MOK: variants seen among roughly 807,000 people sequenced by gnomAD.
MOK encodes MOK protein kinase.
Under a neutral mutation model 54.2 loss-of-function variants are expected in MOK, and 59 were observed. That is an observed-to-expected ratio of 1.09 (90% CI 0.88 to 1.35). The LOEUF is 1.35. Among genes scored for constraint, MOK ranks in the 40% most tolerant of loss-of-function variants. MOK has a pLI of 0.00. For synonymous variants in MOK, 210 were observed against 202.7 expected (o/e 1.04, Z -0.31); for missense variants, 517 against 526.2 (o/e 0.98, Z 0.17).
intron 7 of MOK, chr14:102,246,320 G>C (rs79978486): frequency 1.3e-5 from 2 of 151,888 alleles, no homozygotes; most frequent in African/African-American, 4.8e-5. Flanking sequence ...GTGGATAATC[G>C]ACCTTTTCTT....
chr14:102,305,072 G>C lies in MOK; in HGVS notation c.-104C>G. On this transcript the variant is annotated 5_prime_UTR_variant, in exon 1 of 12. Coordinates refer to ENST00000361847, the MANE Select transcript of MOK (RefSeq NM_014226.3). ...TTCCACTTCCCTGAGGCGGGGTCCCGCACTAGGATCTCCGTGGTGGTCCCT... is the reference window on the plus strand; with the variant it reads ...TTCCACTTCCCTGAGGCGGGGTCCCCCACTAGGATCTCCGTGGTGGTCCCT... 3 of 1,355,342 alleles carry C rather than the reference G, an allele frequency of 2.2e-6. No individual in the cohort carries two copies. The highest frequency in any genetic ancestry group is 2.5e-5 in the South Asian group (2 of 79,964). The allele number at this position is 1,355,342 out of a possible 1,614,324, so 84.0% of individuals were successfully genotyped here. A position where few individuals can be genotyped will look rare whatever the true frequency, so the allele number is the denominator to read the frequency against.
intron 2 of MOK, among the ~76,000 whole-genome samples, chr14:102,279,702 G>A (rs1221885211): frequency 6.6e-6 from 1 of 152,130 alleles, no homozygotes; most frequent in African/African-American, 2.4e-5. Flanking sequence ...CAGTTCTGTT[G>A]AGGCCTCAGG....
intron 7 of MOK, among the ~76,000 whole-genome samples, chr14:102,246,598 C>A (rs2066111629): frequency 3.9e-5 from 6 of 152,172 alleles, no homozygotes; most frequent in Admixed American, 3.9e-4. Context: ...CAGCCTATAA[C>A]TGGACTTCCA....
At position 102,232,038 on chromosome 14, in the gene MOK, G is replaced by C; in HGVS notation, c.867-217C>G. ...GCTGGCTCCATGAATCAGAAGCGCT[G>C]CCTACCCAGGGACTCGCAGTTTCAG... On this transcript the variant is annotated intron_variant, in intron 9 of 11. Coordinates refer to ENST00000361847, the MANE Select transcript of MOK (RefSeq NM_014226.3). This position sits in a 1 kb window ranked among gnomAD's most constrained non-coding sequence, Gnocchi z 5.1. 2.2e-6 allele frequency: 1 copy of C among 457,224 alleles called. No individual in the cohort carries two copies. Among genetic ancestry groups the C allele is most frequent in the Non-Finnish European group, 3.9e-6 (1 of 257,500 alleles). 28.3% of individuals were successfully genotyped at this position (457,224 alleles called of 1,614,324 possible).
the MOK span, among the ~76,000 whole-genome samples, chr14:102,219,137 G>C: frequency 5.9e-5 from 9 of 152,240 alleles, no homozygotes; most frequent in Non-Finnish European, 1.3e-4. Flanking sequence ...TTCCATGGGG[G>C]CCTAGGTGTC....
downstream of MOK, among the ~76,000 whole-genome samples, chr14:102,224,036 G>GTTTTTTTTTTTTTTTTTTTTTTTT (rs1184725386): frequency 1.4e-5 from 2 of 139,442 alleles, no homozygotes; most frequent in African/African-American, 5.4e-5. Context: ...GTTTACCTGA[G>GTTTTTTTTTTTTTTTTTTTTTTTT]ATTTTTTTTT....
At chr14:102,256,670 G>C (rs35308394) in intron 4 of MOK, among the ~76,000 whole-genome samples, 30,630 of 151,226 alleles carry the variant, frequency 0.2, 3,592 homozygotes, top group African/African-American at 0.32. Context: ...CAAAGTGTTG[G>C]GACTACACAC....
intron 7 of MOK, chr14:102,237,897 ACAGGATCTC>A (rs2065364525): frequency 6.6e-6 from 1 of 152,228 alleles, no homozygotes; most frequent in Admixed American, 6.5e-5. Flanking sequence ...CTCATAATCT[ACAGGATCTC>A]CTCTCCTCCC....
intron 1 of MOK, among the ~76,000 whole-genome samples, chr14:102,295,402 A>C (rs1010642914): frequency 6.6e-6 from 1 of 152,200 alleles, no homozygotes; most frequent in African/African-American, 2.4e-5. Context: ...TTTTTGTGAA[A>C]TGCAAAACTT....
intron 10 of MOK, 189 bp from the exon 11 acceptor site, chr14:102,229,846 G>A: frequency 5.0e-6 from 3 of 599,836 alleles, no homozygotes; most frequent in Non-Finnish European, 8.7e-6. Flanking sequence ...TCCCACGGGG[G>A]AGGCCAAACC....
intron 2 of MOK, among the ~76,000 whole-genome samples, chr14:102,274,677 T>C (rs952541757): frequency 2.6e-5 from 4 of 151,856 alleles, no homozygotes; most frequent in Non-Finnish European, 1.5e-5. Flanking sequence ...CAAAACTGTC[T>C]TTAAAAAGAT....
At chr14:102,272,610 G>T (rs1567205853) in intron 2 of MOK, among the ~76,000 whole-genome samples, 1 of 152,108 alleles carries the variant, frequency 6.6e-6, no homozygotes. Flanking sequence ...GGAATGCAAG[G>T]TTGAGTTATT....
At chr14:102,293,701 C>CAAAAAAAAAAAAAAAAAAAAAAAAA (rs10598736) in intron 1 of MOK, among the ~76,000 whole-genome samples, 137 of 54,532 alleles carry the variant, frequency 2.5e-3, no homozygotes, top group East Asian at 5.8e-3. Flanking sequence ...AACTCCATCA[C>CAAAAAAAAAAAAAAAAAAAAAAAAA]AAAAAAAAAA....
intron 4 of MOK, among the ~76,000 whole-genome samples, chr14:102,253,091 G>A (rs2066657855): frequency 1.3e-5 from 2 of 152,180 alleles, no homozygotes; most frequent in East Asian, 1.9e-4. Context: ...TTTGAAACAG[G>A]TGAAGCAGGT....
At chr14:102,267,054 A>G (rs1028008718) in intron 2 of MOK, among the ~76,000 whole-genome samples, 4 of 152,246 alleles carry the variant, frequency 2.6e-5, no homozygotes, top group Admixed American at 1.3e-4. Context: ...TCTTTTGAGA[A>G]TGCCACTTCA....
chr14:102,291,153 C>G (rs2070723949), intron 1 of MOK, among the ~76,000 whole-genome samples: 1 of 152,144 alleles, frequency 6.6e-6, no homozygotes, highest in African/African-American at 2.4e-5. Context: ...AGCACGGTAC[C>G]ATATCCCTTC....
chr14:102,220,859 C>T (rs1233716954), downstream of MOK, among the ~76,000 whole-genome samples: 2 of 152,104 alleles, frequency 1.3e-5, no homozygotes, highest in East Asian at 3.9e-4. This position sits in a 1 kb window ranked among gnomAD's most constrained non-coding sequence, Gnocchi z 4.2. Context: ...CCCTGCATCT[C>T]CTGGGCTCAA....
chr14:102,269,442 C>T (rs1413480889), intron 2 of MOK, among the ~76,000 whole-genome samples: 1 of 151,022 alleles, frequency 6.6e-6, no homozygotes, highest in African/African-American at 2.4e-5. Flanking sequence ...GCCTTGGCCT[C>T]CCAAAGTGAT....
chr14:102,265,731 A>G lies in MOK; in HGVS notation c.212+92T>C. The G allele has an allele frequency of 4.8e-6, 5 of 1,035,734 alleles. 1 individual carries two copies. The highest frequency in any genetic ancestry group is 7.3e-6 in the Non-Finnish European group (5 of 688,062). 64.2% of individuals were successfully genotyped at this position (1,035,734 alleles called of 1,614,324 possible). ...ATGGTTACTCTCTGAGCTACAAAGT[A>G]AATATTCAAAATGTCTACCATGGTT... On this transcript the variant is annotated intron_variant, in intron 3 of 11. Transcript: ENST00000361847.
Sources: allele counts gnomAD v4.1 joint callset (sites outside exome capture counted in the v4.1 genomes callset), GRCh38; gene constraint gnomAD v4.1.1; non-coding constraint Gnocchi (gnomAD v3.1); transcripts MANE v1.5; gene names NCBI Gene and HGNC (gene_info 2026-07-23, HGNC 2026-07-21).